NFIC: variants seen among roughly 807,000 people sequenced by gnomAD.
NFIC encodes the protein nuclear factor I C.
NFIC carries 12 observed loss-of-function variants against 54.4 expected under a neutral mutation model. That is an observed-to-expected ratio of 0.22 (90% CI 0.14 to 0.36). NFIC has a LOEUF of 0.36. Ranked by LOEUF, NFIC falls within the 10% of genes least tolerant of loss-of-function variation. The probability of loss-of-function intolerance (pLI) is 1.00; values close to 1 mark genes in which losing one functional copy is unlikely to be tolerated. For synonymous variants in NFIC, 322 were observed against 319.2 expected (o/e 1.01, Z -0.09); for missense variants, 575 against 718.2 (o/e 0.80, Z 2.28).
chr19:3,378,359 G>C (rs1039559134), intron 1 of NFIC, among the ~76,000 whole-genome samples: 1 of 151,886 alleles, frequency 6.6e-6, no homozygotes, highest in African/African-American at 2.4e-5. Context: ...GCCTCCCAAA[G>C]TTCTGGGATT....
In NFIC at chr19:3,462,898, C is replaced by A; in HGVS notation, c.*129C>A. On this transcript the variant is annotated 3_prime_UTR_variant, in exon 11 of 11. Coordinates refer to ENST00000443272, the MANE Select transcript of NFIC (RefSeq NM_001245002.2). ...AGAACACCCCTGCCGACTCCCAGCCCGGCCAAAAAGACAAAACACATAGAC... is the reference window on the plus strand; with the variant it reads ...AGAACACCCCTGCCGACTCCCAGCCAGGCCAAAAAGACAAAACACATAGAC... 1 of 1,555,214 alleles carries A rather than the reference C, an allele frequency of 6.4e-7. No homozygotes were observed. Among genetic ancestry groups the A allele is most frequent in the South Asian group, 1.2e-5 (1 of 84,652 alleles).
Position 3,458,338 on chromosome 19 carries a change from G to A in NFIC, c.1509+1703G>A, listed in dbSNP as rs12610084. Among the ~76,000 whole-genome samples, 27,780 of 152,108 alleles carry A rather than the reference G, an allele frequency of 0.18. 3,633 individuals are homozygous for A. The highest frequency in any genetic ancestry group is 0.65 in the East Asian group (3,333 of 5,150). ...CCTGCCCCTGCGGGAGGCTGGGAAC[G>A]TCTTAAGTGGTTCAGAAACCAAAGC... On this transcript the variant is annotated intron_variant, in intron 10 of 10. Coordinates refer to ENST00000443272, the MANE Select transcript of NFIC (RefSeq NM_001245002.2). The surrounding 1 kb of genome is among the most constrained non-coding windows in gnomAD (Gnocchi z 4.1).
intron 2 of NFIC, among the ~76,000 whole-genome samples, chr19:3,404,989 G>C (rs1375963716): frequency 2.6e-5 from 4 of 152,210 alleles, no homozygotes; most frequent in African/African-American, 9.6e-5. Flanking sequence ...CCGGGGCGGT[G>C]GTGGCCGCTG....
chr19:3,395,492 A>ATTTT (rs530190180), intron 2 of NFIC, among the ~76,000 whole-genome samples: 1 of 130,852 alleles, frequency 7.6e-6, no homozygotes, highest in African/African-American at 2.9e-5. Context: ...ACCATGGTTG[A>ATTTT]TTTTTTTTTT....
rs1307166093 is a variant in NFIC at position 3,375,944 on chromosome 19, G to A, written c.31-5768G>A. On this transcript the variant is annotated intron_variant, in intron 1 of 10. Transcript: ENST00000443272. This position sits in a 1 kb window ranked among gnomAD's most constrained non-coding sequence, Gnocchi z 4.6. ...GAGACCCCAATCTTACAGAGAACAGGCTGTTCTGAGAAAGGGACCCGTGGC... is the reference window on the plus strand; with the variant it reads ...GAGACCCCAATCTTACAGAGAACAGACTGTTCTGAGAAAGGGACCCGTGGC... Among the ~76,000 whole-genome samples the A allele has an allele frequency of 2.6e-5, 4 of 152,066 alleles. No homozygotes were observed. Among genetic ancestry groups the A allele is most frequent in the Non-Finnish European group, 5.9e-5 (4 of 67,994 alleles).
chr19:3,410,699 C>T (rs1210021779), intron 2 of NFIC: 2 of 152,308 alleles, frequency 1.3e-5, no homozygotes, highest in East Asian at 3.8e-4. Context: ...TGACAAAATG[C>T]TATCATCAAA....
chr19:3,438,953 G>A (rs2082249223), intron 6 of NFIC, among the ~76,000 whole-genome samples: 1 of 152,068 alleles, frequency 6.6e-6, no homozygotes, highest in Non-Finnish European at 1.5e-5. Context: ...ATAGAACTTG[G>A]AAGAAAAGGG....
intron 3 of NFIC, among the ~76,000 whole-genome samples, chr19:3,430,150 G>A (rs181077666): frequency 1.3e-5 from 2 of 152,142 alleles, no homozygotes; most frequent in African/African-American, 4.8e-5. Context: ...GTAGTAAAAT[G>A]TGCATGATGT....
intron 6 of NFIC, among the ~76,000 whole-genome samples, chr19:3,440,474 C>T (rs528562425): frequency 6.6e-6 from 1 of 151,934 alleles, no homozygotes; most frequent in South Asian, 2.1e-4. Context: ...GTCGCTCGCC[C>T]AGGCTGGGGT....
At chr19:3,413,504 T>A (rs2081798499) in intron 2 of NFIC, among the ~76,000 whole-genome samples, 1 of 152,088 alleles carries the variant, frequency 6.6e-6, no homozygotes, top group Non-Finnish European at 1.5e-5. Flanking sequence ...TGTGCCTCAG[T>A]TTCCCCAGCT....
intron 10 of NFIC, among the ~76,000 whole-genome samples, chr19:3,461,898 A>G (rs1421812657): frequency 6.6e-6 from 1 of 151,684 alleles, no homozygotes. Context: ...TACTAAAAAT[A>G]TAAAAATTAG....
chr19:3,460,602 C>T (rs1423961678), intron 10 of NFIC, among the ~76,000 whole-genome samples: 2 of 152,114 alleles, frequency 1.3e-5, no homozygotes, highest in East Asian at 3.9e-4. Flanking sequence ...CAACCTCCGC[C>T]CCCTGGATTC....
chr19:3,469,182 A>G lies in NFIC; in HGVS notation c.*6413A>G, dbSNP rs1568212999. On this transcript the variant is annotated 3_prime_UTR_variant, in exon 11 of 11. Transcript: ENST00000443272. ...CAAAAAAAAAAGAAAAAAGAAAAAA[A>G]TGTATAAAAATTAAACAAGCTATGC... is the stretch of plus-strand genomic sequence containing the variant. 6.6e-6 allele frequency: 1 copy of G among 152,184 alleles called. No homozygotes were observed. Among genetic ancestry groups the G allele is most frequent in the South Asian group, 2.1e-4 (1 of 4,836 alleles). The allele number at this position is 152,184 out of a possible 1,614,324, so 9.4% of individuals were successfully genotyped here. A position where few individuals can be genotyped will look rare whatever the true frequency, so the allele number is the denominator to read the frequency against.
At chr19:3,390,842 G>T (rs1464376059) in intron 2 of NFIC, among the ~76,000 whole-genome samples, 2 of 147,258 alleles carry the variant, frequency 1.4e-5, no homozygotes, top group African/African-American at 4.9e-5. Context: ...CAGAAAGTAG[G>T]ATGGGGGGTG....
chr19:3,464,498 C>T lies in NFIC; in HGVS notation c.*1729C>T, dbSNP rs115534300. ...GGGGTGTTAGGTGTTTTAGGGCCACCGAGCTCAAACACAAGGACCCCTCCC... is the reference window on the plus strand; with the variant it reads ...GGGGTGTTAGGTGTTTTAGGGCCACTGAGCTCAAACACAAGGACCCCTCCC... On this transcript the variant is annotated 3_prime_UTR_variant, in exon 11 of 11. Coordinates refer to ENST00000443272, the MANE Select transcript of NFIC (RefSeq NM_001245002.2). 4,392 of 982,122 alleles carry T rather than the reference C, an allele frequency of 4.5e-3. 154 individuals are homozygous for T. The African/African-American group carries it at 0.069, about 15-fold the overall frequency. 60.8% of individuals were successfully genotyped at this position (982,122 alleles called of 1,614,324 possible). A position where few individuals can be genotyped will look rare whatever the true frequency, so the allele number is the denominator to read the frequency against.
At chr19:3,436,436 T>C (rs1442784905) in intron 6 of NFIC, among the ~76,000 whole-genome samples, 1 of 151,130 alleles carries the variant, frequency 6.6e-6, no homozygotes, top group Non-Finnish European at 1.5e-5. Context: ...AGTGCTGGGA[T>C]TCCAGGTGTG....
chr19:3,409,674 G>A (rs1417586834), intron 2 of NFIC, among the ~76,000 whole-genome samples: 1 of 152,220 alleles, frequency 6.6e-6, no homozygotes, highest in African/African-American at 2.4e-5. Flanking sequence ...TGGGGCCAGA[G>A]CCCACGGCGA....
At chr19:3,420,065 A>G (rs372940538) in intron 2 of NFIC, among the ~76,000 whole-genome samples, 4 of 152,168 alleles carry the variant, frequency 2.6e-5, no homozygotes, top group Non-Finnish European at 4.4e-5. Flanking sequence ...TCACACCTGT[A>G]ATCCCAGCAC....
intron 2 of NFIC, among the ~76,000 whole-genome samples, chr19:3,394,912 C>A (rs956901083): frequency 2.6e-5 from 4 of 152,126 alleles, no homozygotes; most frequent in African/African-American, 9.7e-5. Flanking sequence ...CTCACCCCGT[C>A]CCTGGAAAAA....
Sources: gnomAD v4.1 joint callset for allele counts (sites outside exome capture counted in the v4.1 genomes callset) on GRCh38, gnomAD v4.1.1 for gene constraint, Gnocchi (gnomAD v3.1) non-coding constraint, MANE v1.5 for transcripts, NCBI Gene and HGNC (gene_info 2026-07-23, HGNC 2026-07-21) for gene names.